Variants in ERBB4 observed in about 807,000 individuals in gnomAD.
ERBB4 encodes the protein receptor tyrosine-protein kinase erbB-4.
ERBB4 carries 42 observed loss-of-function variants against 158.0 expected under a neutral mutation model. The ratio of observed to expected loss-of-function variants is 0.27; its 90% confidence interval spans 0.21 to 0.34. The LOEUF (loss-of-function observed/expected upper bound fraction) is 0.34, where lower values mean the gene tolerates loss of function less well. Among genes scored for constraint, ERBB4 ranks in the 10% least tolerant of loss-of-function variants. The pLI is 1.00. For missense variants in ERBB4, 1,333 were observed against 1,624.1 expected, an observed-to-expected ratio of 0.82 and a Z score of 3.08; for synonymous variants, 583 against 558.7, an observed-to-expected ratio of 1.04 and a Z score of -0.61.
intron 25 of ERBB4, among the ~76,000 whole-genome samples, chr2:211,419,924 A>G (rs1196389231): frequency 6.6e-6 from 1 of 152,088 alleles, no homozygotes; most frequent in Non-Finnish European, 1.5e-5. Context: ...TCTACTTCTC[A>G]GCAGCCTTTT....
At chr2:211,905,143 T>C (rs2079343253) in intron 3 of ERBB4, among the ~76,000 whole-genome samples, 1 of 152,116 alleles carries the variant, frequency 6.6e-6, no homozygotes, top group South Asian at 2.1e-4. Context: ...CTTGCTGGGC[T>C]AAAATTAGGA....
At chr2:212,357,638 A>C (rs1014711670) in intron 1 of ERBB4, among the ~76,000 whole-genome samples, 2 of 151,708 alleles carry the variant, frequency 1.3e-5, no homozygotes, top group Non-Finnish European at 2.9e-5. Context: ...TCTCATCAAC[A>C]CAACCAACAT....
chr2:212,421,224 G>C (rs981104650), intron 1 of ERBB4, among the ~76,000 whole-genome samples: 2 of 152,030 alleles, frequency 1.3e-5, no homozygotes, highest in South Asian at 2.1e-4. Context: ...CCTATGCCTG[G>C]TTATATTTGT....
At chr2:212,033,354 T>G (rs1049078379) in intron 2 of ERBB4, among the ~76,000 whole-genome samples, 19 of 151,956 alleles carry the variant, frequency 1.3e-4, no homozygotes, top group African/African-American at 4.6e-4. Context: ...AAATAATATT[T>G]TATTAAATTT....
chr2:212,189,082 TG>T (rs770488299), intron 1 of ERBB4, among the ~76,000 whole-genome samples: 8,785 of 103,472 alleles, frequency 0.085, 584 homozygotes, highest in African/African-American at 0.25. Flanking sequence ...ACTTTTTTTT[TG>T]GGGGGGGGGG....
At chr2:211,413,310 AC>A (rs776036044) in intron 25 of ERBB4, among the ~76,000 whole-genome samples, 4,131 of 95,824 alleles carry the variant, frequency 0.043, 526 homozygotes, top group African/African-American at 0.11. Context: ...TGTCTTAAAA[AC>A]ACACACACAC....
intron 1 of ERBB4, among the ~76,000 whole-genome samples, chr2:212,531,898 ACTC>A (rs1246539171): frequency 2.0e-5 from 3 of 152,162 alleles, no homozygotes; most frequent in Admixed American, 6.5e-5. Context: ...TTATTTCTTT[ACTC>A]CTCATGTGCC....
chr2:211,524,194 G>A (rs1017537780), intron 20 of ERBB4, among the ~76,000 whole-genome samples: 1 of 152,064 alleles, frequency 6.6e-6, no homozygotes, highest in East Asian at 1.9e-4. Context: ...ACAGAGTGTC[G>A]ATTGGTGCAT....
intron 15 of ERBB4, among the ~76,000 whole-genome samples, 178 bp downstream of exon 15, chr2:211,665,145 G>A (rs1035047468): frequency 1.6e-4 from 24 of 152,244 alleles, no homozygotes; most frequent in African/African-American, 5.8e-4. Context: ...ATATTTAAGG[G>A]TGTACAAAGT....
chr2:212,331,281 T>C (rs903923396), intron 1 of ERBB4, among the ~76,000 whole-genome samples: 1 of 151,120 alleles, frequency 6.6e-6, no homozygotes, highest in Non-Finnish European at 1.5e-5. Flanking sequence ...ATATAACTAG[T>C]ATGAATAATA....
chr2:212,421,086 A>C (rs2105904926), intron 1 of ERBB4, among the ~76,000 whole-genome samples: 1 of 152,144 alleles, frequency 6.6e-6, no homozygotes, highest in Admixed American at 6.6e-5. Context: ...AGAAATGAAA[A>C]TTTTTTAAAG....
intron 1 of ERBB4, among the ~76,000 whole-genome samples, chr2:212,312,524 T>A (rs2087096373): frequency 6.6e-6 from 1 of 150,996 alleles, no homozygotes; most frequent in African/African-American, 2.4e-5. Context: ...TGTTGGCAAG[T>A]ACTCTTTCCA....
intron 1 of ERBB4, among the ~76,000 whole-genome samples, chr2:212,485,834 T>G (rs1689944516): frequency 6.6e-6 from 1 of 152,110 alleles, no homozygotes; most frequent in Admixed American, 6.6e-5. Flanking sequence ...CCTCACATGC[T>G]GAAAGGTGCA....
At chr2:211,432,131 T>C (rs968736339) in intron 20 of ERBB4, among the ~76,000 whole-genome samples, 1 of 152,210 alleles carries the variant, frequency 6.6e-6, no homozygotes, top group Non-Finnish European at 1.5e-5. Flanking sequence ...ATGATCACCA[T>C]TTAAAAATAG....
intron 20 of ERBB4, among the ~76,000 whole-genome samples, chr2:211,437,882 GA>G (rs961541109): frequency 6.6e-6 from 1 of 152,014 alleles, no homozygotes; most frequent in Non-Finnish European, 1.5e-5. Context: ...ATCCCTGGGG[GA>G]AAAAGAATCC....
chr2:212,532,562 T>G (rs1692813934), intron 1 of ERBB4, among the ~76,000 whole-genome samples: 2 of 152,256 alleles, frequency 1.3e-5, no homozygotes, highest in Non-Finnish European at 2.9e-5. Context: ...TTCAAGATGT[T>G]AATAGCTTAG....
At chr2:211,534,355 A>G (rs1386094616) in intron 20 of ERBB4, among the ~76,000 whole-genome samples, 4 of 152,036 alleles carry the variant, frequency 2.6e-5, no homozygotes, top group Admixed American at 2.6e-4. Context: ...AACCTATTTT[A>G]TCTCTCTTAT....
intron 23 of ERBB4, among the ~76,000 whole-genome samples, chr2:211,422,353 G>A (rs780858148): frequency 3.0e-4 from 46 of 151,832 alleles, no homozygotes; most frequent in Non-Finnish European, 5.5e-4. Flanking sequence ...GTGTATAGAC[G>A]TGACTGCAAT....
At chr2:212,061,854 G>A (rs2077780449) in intron 2 of ERBB4, among the ~76,000 whole-genome samples, 1 of 150,910 alleles carries the variant, frequency 6.6e-6, no homozygotes, top group South Asian at 2.1e-4. Flanking sequence ...TCCTGCCTCA[G>A]CCTCCTGAGT....
Sources: gnomAD v4.1 joint callset for allele counts (sites outside exome capture counted in the v4.1 genomes callset) on GRCh38, gnomAD v4.1.1 for gene constraint, MANE v1.5 for transcripts, NCBI Gene and HGNC (gene_info 2026-07-23, HGNC 2026-07-21) for gene names.